Variants in RRBP1 observed in about 807,000 individuals in gnomAD.
The protein encoded by RRBP1 is ribosome binding protein 1.
In RRBP1, 94 loss-of-function variants were observed where a neutral mutation model predicts 165.2. The observed-to-expected ratio is 0.57, with a 90% confidence interval of 0.48 to 0.68. The LOEUF (loss-of-function observed/expected upper bound fraction) is 0.68, where lower values mean the gene tolerates loss of function less well. Ranked by LOEUF, RRBP1 falls within the 30% of genes least tolerant of loss-of-function variation. The pLI is 0.00. For synonymous variants in RRBP1, 680 were observed against 714.5 expected, an observed-to-expected ratio of 0.95 and a Z score of 0.77; for missense variants, 1,676 against 1,763.0, an observed-to-expected ratio of 0.95 and a Z score of 0.88.
chr20:17,622,309 G>T (rs780872131), intron 13 of RRBP1, among the ~76,000 whole-genome samples: 1 of 152,182 alleles, frequency 6.6e-6, no homozygotes, highest in Non-Finnish European at 1.5e-5. Context: ...AATTTGGGGG[G>T]TCCGCAGTTG....
At chr20:17,632,304 G>C (rs1458003446) in intron 8 of RRBP1, among the ~76,000 whole-genome samples, 3 of 152,168 alleles carry the variant, frequency 2.0e-5, no homozygotes, top group Non-Finnish European at 2.9e-5. Context: ...GCCCTGGCTA[G>C]ATCCTTCGTA....
intron 2 of RRBP1, among the ~76,000 whole-genome samples, chr20:17,671,045 G>C (rs1402728706): frequency 6.6e-6 from 1 of 152,026 alleles, no homozygotes; most frequent in African/African-American, 2.4e-5. Flanking sequence ...CTACTTTCCA[G>C]GTCATTCACT....
At chr20:17,661,650 G>A (rs1346025064) in intron 2 of RRBP1, among the ~76,000 whole-genome samples, 2 of 152,180 alleles carry the variant, frequency 1.3e-5, no homozygotes, top group Non-Finnish European at 2.9e-5. Flanking sequence ...GATGGAATGA[G>A]CAAAGAGAAC....
rs1252753295 is a variant in RRBP1, at chr20:17,613,827, C to A, written c.*355G>T. 1 of 228,162 alleles carries A rather than the reference C, an allele frequency of 4.4e-6. No homozygotes were observed. Among genetic ancestry groups the A allele is most frequent in the Non-Finnish European group, 8.8e-6 (1 of 113,358 alleles). 14.1% of individuals were successfully genotyped at this position (228,162 alleles called of 1,614,324 possible). On this transcript the variant is annotated 3_prime_UTR_variant, in exon 25 of 25. Transcript: ENST00000377813. The stretch of plus-strand genomic sequence containing the variant: ...GCTGCCCGGTCCCACCCGCTTCCCG[C>A]CCCGCCCCACTGAAAAAACACTAAA...
intron 8 of RRBP1, 124 bp from the exon 9 acceptor site, chr20:17,630,085 G>A (rs979244198): frequency 2.5e-5 from 25 of 1,007,554 alleles, no homozygotes; most frequent in Non-Finnish European, 2.9e-5. Context: ...TGGTCCATGT[G>A]GGAAGGAAAT....
intron 7 of RRBP1, among the ~76,000 whole-genome samples, chr20:17,634,305 G>A (rs998106284): frequency 5.3e-5 from 8 of 152,290 alleles, no homozygotes; most frequent in African/African-American, 1.9e-4. Flanking sequence ...ACCCTGGGAC[G>A]CAGCACCAGG....
At chr20:17,660,956 C>T (rs1421298761) in intron 2 of RRBP1, among the ~76,000 whole-genome samples, 1 of 152,010 alleles carries the variant, frequency 6.6e-6, no homozygotes, top group Non-Finnish European at 1.5e-5. Context: ...GACAGTGACA[C>T]TCTGTCATGG....
chr20:17,636,171 G>A (rs910874003), intron 6 of RRBP1, among the ~76,000 whole-genome samples: 1 of 152,158 alleles, frequency 6.6e-6, no homozygotes, highest in Non-Finnish European at 1.5e-5. Context: ...CGCTGGAGCT[G>A]TGTGATTTTC....
At chr20:17,648,651 C>A (rs952340772) in intron 3 of RRBP1, among the ~76,000 whole-genome samples, 1 of 152,190 alleles carries the variant, frequency 6.6e-6, no homozygotes, top group Admixed American at 6.5e-5. Context: ...AACTTGGGGA[C>A]TGGTATATTT....
At chr20:17,656,312 G>A (rs754521954) in intron 3 of RRBP1, among the ~76,000 whole-genome samples, 12 of 152,300 alleles carry the variant, frequency 7.9e-5, no homozygotes, top group Non-Finnish European at 1.3e-4. Flanking sequence ...ACAGCCCTGC[G>A]TGGCTGTGTG....
chr20:17,614,151 G>C lies in RRBP1; in HGVS notation c.*31C>G, dbSNP rs778909115. The C allele has an allele frequency of 6.2e-6, 10 of 1,610,980 alleles. No homozygotes were observed. The South Asian group carries it at 8.8e-5, about 14-fold the overall frequency. On this transcript the variant is annotated 3_prime_UTR_variant, in exon 25 of 25. Transcript: ENST00000377813. ...AATGTGTAAGGCATTTTGGTAAGTT[G>C]AACAGTAACTTCTTTTTCCAAAGAG...
chr20:17,614,745 C>T lies in RRBP1; in HGVS notation c.4186G>A (p.Glu1396Lys). The change falls in exon 24 of 25, where the codon GAA becomes AAA. Residue 1396 changes from glutamate (E) to lysine (K), a missense_variant. Transcript: ENST00000377813. ...TGGCGCCAGGCACGCACTGCCTTTT[C>T]CAGCTGTTCCTGCAGCTTCTTCACC... ...DTVKKLQEQLEKAEDGSSSKE... is the reference protein window; with the variant it reads ...DTVKKLQEQLKKAEDGSSSKE... 5 of 1,612,426 alleles carry T rather than the reference C, an allele frequency of 3.1e-6. No homozygotes were observed. The highest frequency in any genetic ancestry group is 4.2e-6 in the Non-Finnish European group (5 of 1,180,006).
At chr20:17,636,018 C>T (rs1301570492) in intron 6 of RRBP1, among the ~76,000 whole-genome samples, 1 of 152,224 alleles carries the variant, frequency 6.6e-6, no homozygotes. Flanking sequence ...TCTAACCCCC[C>T]TGAGGAAGCC....
intron 6 of RRBP1, 50 bp from the exon 7 acceptor site, chr20:17,635,714 G>A (rs760474523): frequency 1.4e-6 from 2 of 1,397,158 alleles, no homozygotes; most frequent in Non-Finnish European, 2.0e-6. Flanking sequence ...CTCACACACA[G>A]AACTGACTTC....
At position 17,643,161 on chromosome 20, in the gene RRBP1, G is replaced by A; in HGVS notation, c.1913-34C>T. ...CAAGAGGGAAAGAGCTGAGACTTAG[G>A]CCCATAAGCCACAACACACGTGGCC... On this transcript the variant is annotated intron_variant, in intron 3 of 24. Transcript: ENST00000377813. This position sits in a 1 kb window ranked among gnomAD's most constrained non-coding sequence, Gnocchi z 4.3. 1.9e-6 allele frequency: 3 copies of A among 1,606,012 alleles called. No homozygotes were observed. The highest frequency in any genetic ancestry group is 2.5e-6 in the Non-Finnish European group (3 of 1,176,690).
chr20:17,628,000 CT>C (rs1186186151), intron 9 of RRBP1, among the ~76,000 whole-genome samples: 1 of 152,190 alleles, frequency 6.6e-6, no homozygotes. Context: ...CTAGAAGACT[CT>C]TTTTCTTACT....
chr20:17,622,490 C>T (rs1465550452), intron 13 of RRBP1, among the ~76,000 whole-genome samples: 1 of 152,024 alleles, frequency 6.6e-6, no homozygotes, highest in Non-Finnish European at 1.5e-5. Flanking sequence ...CCCAGAGAGG[C>T]TCATCTCCAG....
At chr20:17,615,163 G>A (rs990064915) in intron 23 of RRBP1, among the ~76,000 whole-genome samples, 2 of 152,350 alleles carry the variant, frequency 1.3e-5, no homozygotes, top group Non-Finnish European at 2.9e-5. Flanking sequence ...ACTACTGAGC[G>A]CTGGACGTGT....
intron 3 of RRBP1, among the ~76,000 whole-genome samples, chr20:17,656,013 C>A (rs2036639026): frequency 6.6e-6 from 1 of 152,142 alleles, no homozygotes; most frequent in Non-Finnish European, 1.5e-5. Context: ...ATCTGCATAA[C>A]AAAGTTTAAG....
Sources: gnomAD v4.1 joint callset for allele counts (sites outside exome capture counted in the v4.1 genomes callset) on GRCh38, gnomAD v4.1.1 for gene constraint, Gnocchi (gnomAD v3.1) non-coding constraint, MANE v1.5 for transcripts, NCBI Gene and HGNC (gene_info 2026-07-23, HGNC 2026-07-21) for gene names.